The following SLC44A5 variants were observed in gnomAD, a reference collection of about 807,000 sequenced individuals.
SLC44A5 encodes the protein solute carrier family 44 member 5, also known as choline transporter-like protein 5.
In SLC44A5, 57 loss-of-function variants were observed where a neutral mutation model predicts 101.8. The observed-to-expected ratio is 0.56, with a 90% confidence interval of 0.45 to 0.70. SLC44A5 has a LOEUF of 0.70. Ranked by LOEUF, SLC44A5 falls within the 30% of genes least tolerant of loss-of-function variation. The pLI is 0.00. For missense variants in SLC44A5, 737 were observed against 853.1 expected (o/e 0.86, Z 1.70); for synonymous variants, 281 against 290.9 (o/e 0.97, Z 0.35).
intron 2 of SLC44A5, among the ~76,000 whole-genome samples, chr1:75,470,704 G>T (rs943193586): frequency 2.0e-5 from 3 of 151,854 alleles, no homozygotes; most frequent in African/African-American, 7.3e-5. Context: ...GAAATGGAAT[G>T]TCCAAGGCCA....
At chr1:75,465,907 G>A (rs1570361366) in intron 2 of SLC44A5, among the ~76,000 whole-genome samples, 1 of 152,202 alleles carries the variant, frequency 6.6e-6, no homozygotes, top group African/African-American at 2.4e-5. Context: ...GTAAAGAAAA[G>A]ACCAGCACCC....
chr1:75,615,971 T>C (rs1014899288), upstream of SLC44A5: 19 of 799,852 alleles, frequency 2.4e-5, no homozygotes, highest in Non-Finnish European at 2.9e-5. Flanking sequence ...GCCGCGGCTC[T>C]CAGCTCAGCG....
the SLC44A5 span, among the ~76,000 whole-genome samples, chr1:75,643,716 C>T: frequency 6.6e-6 from 1 of 152,266 alleles, no homozygotes; most frequent in Non-Finnish European, 1.5e-5. Flanking sequence ...CATGTGCTCC[C>T]TGGCCTGCGG....
chr1:75,597,587 T>C (rs1025605633), intron 1 of SLC44A5, among the ~76,000 whole-genome samples: 2 of 152,166 alleles, frequency 1.3e-5, no homozygotes, highest in Non-Finnish European at 2.9e-5. Flanking sequence ...ATGGTACTGT[T>C]ACAAAAACAG....
intron 3 of SLC44A5, chr1:75,357,302 A>G: frequency 2.2e-6 from 1 of 446,406 alleles, no homozygotes. Context: ...AGCCTGTGAT[A>G]CTATTCATTG....
At chr1:75,584,720 A>G (rs1388350801) in intron 1 of SLC44A5, among the ~76,000 whole-genome samples, 3 of 151,998 alleles carry the variant, frequency 2.0e-5, no homozygotes, top group African/African-American at 7.2e-5. Flanking sequence ...AGCGATTCTC[A>G]TGCCTCAGCC....
the SLC44A5 span, among the ~76,000 whole-genome samples, chr1:75,693,768 C>A: frequency 6.6e-6 from 1 of 152,012 alleles, no homozygotes; most frequent in African/African-American, 2.4e-5. Flanking sequence ...AGTGGGATAT[C>A]CTGAAAACCA....
upstream of SLC44A5, among the ~76,000 whole-genome samples, chr1:75,615,420 C>CACACACATACAT (rs1331556159): frequency 3.7e-5 from 4 of 108,758 alleles, no homozygotes; most frequent in Admixed American, 2.2e-4. Flanking sequence ...CTCTCTTACA[C>CACACACATACAT]ACACACACAC....
chr1:75,254,000 T>C (rs192801433), intron 6 of SLC44A5, among the ~76,000 whole-genome samples: 348 of 152,260 alleles, frequency 2.3e-3, no homozygotes, highest in Non-Finnish European at 3.6e-3. Flanking sequence ...CTATAGTCAT[T>C]CTATCACAGT....
At chr1:75,683,337 C>G in the SLC44A5 span, among the ~76,000 whole-genome samples, 1 of 152,096 alleles carries the variant, frequency 6.6e-6, no homozygotes, top group Non-Finnish European at 1.5e-5. Flanking sequence ...TTCACAATAG[C>G]AAAGACTTGG....
At chr1:75,570,773 G>A (rs1673031978) in intron 1 of SLC44A5, among the ~76,000 whole-genome samples, 1 of 152,076 alleles carries the variant, frequency 6.6e-6, no homozygotes, top group African/African-American at 2.4e-5. Flanking sequence ...CCTAAAACCA[G>A]GCACTTAACA....
At chr1:75,678,698 A>T in the SLC44A5 span, among the ~76,000 whole-genome samples, 2 of 151,814 alleles carry the variant, frequency 1.3e-5, no homozygotes, top group Non-Finnish European at 2.9e-5. Context: ...TCTAAAAATC[A>T]GAGCGCCTCT....
chr1:75,385,995 A>T (rs1224765266), intron 3 of SLC44A5, among the ~76,000 whole-genome samples: 1 of 152,220 alleles, frequency 6.6e-6, no homozygotes, highest in African/African-American at 2.4e-5. Context: ...AAAGCCTTTG[A>T]CAAAATTCAA....
intron 4 of SLC44A5, among the ~76,000 whole-genome samples, chr1:75,319,685 ATG>A (rs774299308): frequency 6.6e-6 from 1 of 152,188 alleles, no homozygotes; most frequent in Non-Finnish European, 1.5e-5. Flanking sequence ...AGACAAAAAT[ATG>A]TGTGTTTAAC....
chr1:75,502,940 G>A lies in SLC44A5; in HGVS notation c.13+38495C>T, dbSNP rs183428236. 3.6e-4 allele frequency among the ~76,000 whole-genome samples: 55 copies of A among 152,026 alleles called. 1 individual carries two copies. The highest frequency in any genetic ancestry group is 1.3e-3 in the African/African-American group (55 of 41,464). On this transcript the variant is annotated intron_variant, in intron 2 of 23. Coordinates refer to ENST00000370859, the MANE Select transcript of SLC44A5 (RefSeq NM_001130058.2). ...CTGCCATGCCTCAAACCACTCAACC[G>A]CTCATGAGCCTTAATTTCCTTATCT...
At chr1:75,634,117 C>G in the SLC44A5 span, among the ~76,000 whole-genome samples, 2 of 152,116 alleles carry the variant, frequency 1.3e-5, no homozygotes, top group African/African-American at 4.8e-5. Context: ...GCTGGATTCG[C>G]TTTGCCAGTA....
intron 1 of SLC44A5, among the ~76,000 whole-genome samples, chr1:75,600,837 A>G (rs1279595067): frequency 6.6e-6 from 1 of 152,178 alleles, no homozygotes; most frequent in Middle Eastern, 3.2e-3. Context: ...ATATGGCTAC[A>G]CCATCTAGGT....
chr1:75,215,867 G>A lies in SLC44A5; in HGVS notation c.1625-10C>T, dbSNP rs534316920. On this transcript the variant is annotated splice_polypyrimidine_tract_variant and intron_variant, in intron 18 of 23. Transcript: ENST00000370859. Reference sequence around the variant, plus strand: ...AATGTGTTCTGGGTACCTATGAGAAGGAGATATTTAAATCTATTAATGATT... The same window carrying A: ...AATGTGTTCTGGGTACCTATGAGAAAGAGATATTTAAATCTATTAATGATT... 6.4e-6 allele frequency: 9 copies of A among 1,412,890 alleles called. No homozygotes were observed. The Admixed American group carries it at 1.4e-4, about 22-fold the overall frequency. The allele number at this position is 1,412,890 out of a possible 1,614,324, so 87.5% of individuals were successfully genotyped here.
intron 2 of SLC44A5, among the ~76,000 whole-genome samples, chr1:75,446,758 G>C (rs780441440): frequency 1.3e-5 from 2 of 151,700 alleles, no homozygotes; most frequent in Non-Finnish European, 2.9e-5. Flanking sequence ...CTTTCTATTT[G>C]GTAAATCTGT....
Sources: allele counts gnomAD v4.1 joint callset (sites outside exome capture counted in the v4.1 genomes callset), GRCh38; gene constraint gnomAD v4.1.1; transcripts MANE v1.5; gene names NCBI Gene and HGNC (gene_info 2026-07-23, HGNC 2026-07-21).